KDM4C: variants seen among roughly 807,000 people sequenced by gnomAD.
The protein encoded by KDM4C is lysine-specific demethylase 4C.
Under a neutral mutation model 129.3 loss-of-function variants are expected in KDM4C, and 81 were observed. The observed-to-expected ratio is 0.63, with a 90% CI of 0.52 to 0.75. The LOEUF (loss-of-function observed/expected upper bound fraction) is 0.75, where lower values mean the gene tolerates loss of function less well. Among genes scored for constraint, KDM4C ranks in the 30% least tolerant of loss-of-function variants. The probability of loss-of-function intolerance (pLI) is 0.00; values close to 1 mark genes in which losing one functional copy is unlikely to be tolerated. For synonymous variants in KDM4C, 573 were observed against 456.1 expected, an observed-to-expected ratio of 1.26 and a Z score of -3.26; for missense variants, 1,457 against 1,304.0, an observed-to-expected ratio of 1.12 and a Z score of -1.81.
At chr9:6,831,215 G>C (rs1050196064) in intron 4 of KDM4C, among the ~76,000 whole-genome samples, 2 of 152,086 alleles carry the variant, frequency 1.3e-5, no homozygotes, top group Non-Finnish European at 2.9e-5. Context: ...AAAGACCTCA[G>C]AATCAGTGGC....
At position 6,736,274 on chromosome 9, in the gene KDM4C, T is replaced by C. The variant is rs114053924; in HGVS notation, c.49+15277T>C. 1.0e-2 allele frequency among the ~76,000 whole-genome samples: 1,516 copies of C among 152,236 alleles called. 25 individuals are homozygous for C. The highest frequency in any genetic ancestry group is 0.035 in the African/African-American group (1,440 of 41,540). ...TCTCATTTTCTGAGGAGAAACTCAA[T>C]CCAGATGCAGAAATTTGCATAAGTA... is the stretch of plus-strand genomic sequence containing the variant. On this transcript the variant is annotated intron_variant, in intron 1 of 17. Coordinates refer to the KDM4C transcript ENST00000536108.
intron 5 of KDM4C, among the ~76,000 whole-genome samples, chr9:6,849,929 AT>A (rs1192457109): frequency 6.6e-6 from 1 of 152,244 alleles, no homozygotes; most frequent in Non-Finnish European, 1.5e-5. Flanking sequence ...CAATGTTTAG[AT>A]CAATGATGGA....
Position 6,984,163 on chromosome 9 carries a change from C to T in KDM4C, c.1116-3C>T. 1.9e-6 allele frequency: 3 copies of T among 1,603,100 alleles called. No individual in the cohort carries two copies. Among genetic ancestry groups the T allele is most frequent in the Non-Finnish European group, 2.6e-6 (3 of 1,170,452 alleles). On this transcript the variant is annotated splice_polypyrimidine_tract_variant and splice_region_variant and intron_variant, in intron 9 of 21. Coordinates refer to ENST00000381309, the MANE Select transcript of KDM4C (RefSeq NM_015061.6). Reference sequence around the variant, plus strand: ...CTCTGACCACTGCTTCTCTTGTTGACAGCTTCCAGTGTGCTAGGTCTACCT... The same window carrying T: ...CTCTGACCACTGCTTCTCTTGTTGATAGCTTCCAGTGTGCTAGGTCTACCT...
At chr9:6,729,795 C>T (rs979480898) in intron 1 of KDM4C, among the ~76,000 whole-genome samples, 1 of 133,666 alleles carries the variant, frequency 7.5e-6, no homozygotes, top group African/African-American at 3.2e-5. Flanking sequence ...TAAATACTGA[C>T]GAGATAAAAA....
intron 2 of KDM4C, among the ~76,000 whole-genome samples, chr9:6,799,400 C>CA (rs1287045941): frequency 2.0e-5 from 3 of 152,138 alleles, no homozygotes; most frequent in South Asian, 2.1e-4. Flanking sequence ...CCGTCTCCAC[C>CA]AAAAAAATAC....
At chr9:6,996,840 G>A (rs1819847078) in intron 12 of KDM4C, among the ~76,000 whole-genome samples, 1 of 152,170 alleles carries the variant, frequency 6.6e-6, no homozygotes, top group Non-Finnish European at 1.5e-5. Context: ...CATATTTTCT[G>A]TGACAAACAT....
intron 17 of KDM4C, among the ~76,000 whole-genome samples, chr9:7,057,661 A>G (rs1042533049): frequency 6.6e-6 from 1 of 152,246 alleles, no homozygotes; most frequent in African/African-American, 2.4e-5. Context: ...CACTGTTAAG[A>G]ACATAACTGT....
At chr9:7,035,507 A>T (rs1025436047) in intron 15 of KDM4C, among the ~76,000 whole-genome samples, 2 of 150,066 alleles carry the variant, frequency 1.3e-5, no homozygotes, top group African/African-American at 4.9e-5. Flanking sequence ...CCATTTGTTT[A>T]TTTTTGCTTT....
intron 2 of KDM4C, 133 bp from the exon 3 acceptor site, chr9:6,805,464 CTT>C (rs373482627): frequency 0.055 from 24,327 of 445,772 alleles, 522 homozygotes; most frequent in African/African-American, 0.18. Context: ...AAATATTCAT[CTT>C]TTTTTTTTTT....
intron 12 of KDM4C, among the ~76,000 whole-genome samples, chr9:7,009,711 A>G (rs1292889686): frequency 6.6e-6 from 1 of 152,210 alleles, no homozygotes; most frequent in Non-Finnish European, 1.5e-5. Flanking sequence ...GACTATGTAG[A>G]TGCCATGCAA....
chr9:6,871,878 A>G (rs2130665808), intron 5 of KDM4C, among the ~76,000 whole-genome samples: 1 of 152,326 alleles, frequency 6.6e-6, no homozygotes, highest in Admixed American at 6.5e-5. Context: ...ATGTGTGCAC[A>G]TTGAGCAGCA....
intron 18 of KDM4C, among the ~76,000 whole-genome samples, chr9:7,110,561 G>T (rs1838206207): frequency 6.6e-6 from 1 of 152,032 alleles, no homozygotes; most frequent in Admixed American, 6.6e-5. Context: ...ATGAGGTATG[G>T]GTTGGGCCTA....
At chr9:7,158,241 C>G (rs755199157) in intron 19 of KDM4C, among the ~76,000 whole-genome samples, 8 of 151,788 alleles carry the variant, frequency 5.3e-5, no homozygotes, top group Non-Finnish European at 1.2e-4. Context: ...ATTCTTCTCT[C>G]TTTTCTTCTT....
chr9:7,067,000 T>G (rs540219358), intron 17 of KDM4C, among the ~76,000 whole-genome samples: 4 of 152,256 alleles, frequency 2.6e-5, no homozygotes, highest in Non-Finnish European at 5.9e-5. Context: ...CAGATATTTT[T>G]GGAAACAACA....
chr9:6,929,865 A>C (rs1034008537), intron 8 of KDM4C, among the ~76,000 whole-genome samples: 2 of 152,186 alleles, frequency 1.3e-5, no homozygotes, highest in African/African-American at 4.8e-5. Flanking sequence ...TTGAGGATCA[A>C]AATAGACGAT....
At chr9:7,143,004 C>A (rs996521686) in intron 19 of KDM4C, among the ~76,000 whole-genome samples, 4 of 152,066 alleles carry the variant, frequency 2.6e-5, no homozygotes, top group Admixed American at 1.3e-4. Flanking sequence ...GCAAGCAGGC[C>A]CATCTCCTTT....
chr9:7,013,680 CA>C, intron 13 of KDM4C, 107 bp from the exon 14 acceptor site: 1 of 1,045,218 alleles, frequency 9.6e-7, no homozygotes. Flanking sequence ...ACAGGAAGAA[CA>C]AAAGTTAGAA....
intron 15 of KDM4C, among the ~76,000 whole-genome samples, chr9:7,032,668 C>A (rs538586383): frequency 1.3e-5 from 2 of 152,162 alleles, no homozygotes; most frequent in East Asian, 1.9e-4. Flanking sequence ...ATTCCTTTGC[C>A]CAGGATCACT....
At chr9:7,135,244 T>TA (rs34453432) in intron 19 of KDM4C, among the ~76,000 whole-genome samples, 49,688 of 151,874 alleles carry the variant, frequency 0.33, 8,584 homozygotes, top group Middle Eastern at 0.43. Context: ...GACTGACAGT[T>TA]ACGTTTTTCT....
Sources: gnomAD v4.1 joint callset for allele counts (sites outside exome capture counted in the v4.1 genomes callset) on GRCh38, gnomAD v4.1.1 for gene constraint, MANE v1.5 for transcripts, NCBI Gene and HGNC (gene_info 2026-07-23, HGNC 2026-07-21) for gene names.